Variants in SERPINC1 observed in about 807,000 individuals in gnomAD.
The protein encoded by SERPINC1 is serpin family C member 1.
In SERPINC1, 12 loss-of-function variants were observed where a neutral mutation model predicts 43.4. The ratio of observed to expected loss-of-function variants is 0.28; its 90% CI spans 0.18 to 0.45. SERPINC1 has a LOEUF of 0.45. SERPINC1 is among the 20% of genes least tolerant of loss of function. SERPINC1 has a pLI of 1.00. For synonymous variants in SERPINC1, 210 were observed against 218.9 expected (o/e 0.96, Z 0.36); for missense variants, 423 against 578.8 (o/e 0.73, Z 2.76).
intron 2 of SERPINC1, among the ~76,000 whole-genome samples, chr1:173,913,114 G>C (rs989255272): frequency 3.9e-5 from 6 of 152,198 alleles, no homozygotes; most frequent in African/African-American, 1.4e-4. Flanking sequence ...AAGACCCACA[G>C]ACTTTAGTGT....
chr1:173,908,654 G>A (rs1002682234), intron 5 of SERPINC1, among the ~76,000 whole-genome samples: 74 of 152,118 alleles, frequency 4.9e-4, no homozygotes, highest in African/African-American at 4.1e-4. Flanking sequence ...TTGACCTCCC[G>A]GACTCAGGCA....
intron 4 of SERPINC1, 96 bp downstream of exon 4, chr1:173,910,658 C>G: frequency 8.5e-7 from 1 of 1,176,418 alleles, no homozygotes; most frequent in Non-Finnish European, 1.3e-6. Flanking sequence ...GTCCATTTGC[C>G]CTCTCAGGGC....
intron 6 of SERPINC1, among the ~76,000 whole-genome samples, chr1:173,906,520 G>A (rs560623765): frequency 2.9e-4 from 44 of 152,232 alleles, no homozygotes; most frequent in Admixed American, 2.8e-3. Flanking sequence ...AGACACTGAT[G>A]CACACTCACC....
chr1:173,905,724 G>GA (rs58759841), intron 6 of SERPINC1, among the ~76,000 whole-genome samples: 36,530 of 147,782 alleles, frequency 0.25, 7,667 homozygotes, highest in African/African-American at 0.57. Context: ...CCATTTCAAT[G>GA]AAAAAAAAAA....
intron 2 of SERPINC1, among the ~76,000 whole-genome samples, chr1:173,912,736 T>C (rs890661388): frequency 1.3e-5 from 2 of 152,192 alleles, no homozygotes; most frequent in African/African-American, 2.4e-5. Context: ...GCTGAATCTC[T>C]CTTTTCTCCA....
In SERPINC1 at chr1:173,906,369, A is replaced by G. The variant is rs572709385; in HGVS notation, c.1218+1081T>C. On this transcript the variant is annotated intron_variant, in intron 6 of 6. Coordinates refer to ENST00000367698, the MANE Select transcript of SERPINC1 (RefSeq NM_000488.4). ...GGGGGAACACGTTAAGTGATATTCA[A>G]CCGTCTTCTTTACTGTGGGACTTGT... 1.3e-4 allele frequency among the ~76,000 whole-genome samples: 20 copies of G among 152,336 alleles called. No individual in the cohort carries two copies. In the East Asian group the frequency reaches 3.3e-3, roughly 25 times the overall value.
intron 1 of SERPINC1, among the ~76,000 whole-genome samples, chr1:173,916,941 G>T (rs993420656): frequency 6.6e-6 from 1 of 152,164 alleles, no homozygotes; most frequent in Non-Finnish European, 1.5e-5. Flanking sequence ...CCTGGATCCC[G>T]TGAGTGCTGA....
rs753254708 is a variant in SERPINC1, at chr1:173,909,646, G to T, written c.1059C>A (p.Pro353=). The T allele has an allele frequency of 6.2e-7, 1 of 1,613,820 alleles. No homozygotes were observed. Among genetic ancestry groups the T allele is most frequent in the South Asian group, 1.1e-5 (1 of 91,084 alleles). Residue 353 remains proline, a synonymous_variant, in exon 5 of 7, where the codon CCC becomes CCA. Coordinates refer to ENST00000367698, the MANE Select transcript of SERPINC1 (RefSeq NM_000488.4). ...LEEMMLVVHM[P]RFRIEDGFSL... The stretch of plus-strand genomic sequence containing the variant: ...TGAAGCCGTCCTCAATGCGGAAGCG[G>T]GGCATGTGGACCACCAGCATCATCT...
intron 1 of SERPINC1, among the ~76,000 whole-genome samples, chr1:173,916,369 G>A (rs1390109259): frequency 1.3e-5 from 2 of 152,190 alleles, no homozygotes; most frequent in Non-Finnish European, 2.9e-5. Flanking sequence ...GGCAAGCCTG[G>A]GGCTGGCTGG....
intron 5 of SERPINC1, 126 bp from the exon 6 acceptor site, chr1:173,907,640 C>G (rs1228206016): frequency 2.6e-6 from 2 of 778,826 alleles, no homozygotes; most frequent in Non-Finnish European, 4.7e-6. Context: ...AATCCTAAAT[C>G]TTCACCTAAT....
chr1:173,908,490 CAAAAA>C (rs753240633), intron 5 of SERPINC1, among the ~76,000 whole-genome samples: 1 of 54,046 alleles, frequency 1.9e-5, no homozygotes, highest in Non-Finnish European at 3.6e-5. Context: ...GACTTCGTCT[CAAAAA>C]AAAAAAAAAA....
intron 1 of SERPINC1, 80 bp downstream of exon 1, chr1:173,917,139 G>A (rs1038216197): frequency 8.2e-7 from 1 of 1,212,168 alleles, no homozygotes; most frequent in African/African-American, 1.5e-5. Context: ...TCTCAAAGGT[G>A]TTGGAGGTCA....
intron 6 of SERPINC1, among the ~76,000 whole-genome samples, chr1:173,907,069 C>T (rs1252620291): frequency 6.6e-6 from 1 of 151,724 alleles, no homozygotes; most frequent in Admixed American, 6.6e-5. Flanking sequence ...AGTGAGCTGT[C>T]GCACCATTGC....
chr1:173,907,117 CAAA>C (rs112071190), intron 6 of SERPINC1, among the ~76,000 whole-genome samples: 2 of 138,408 alleles, frequency 1.4e-5, no homozygotes, highest in East Asian at 2.1e-4. Flanking sequence ...AGCTCTGTCT[CAAA>C]AAAAAAAAAA....
chr1:173,913,551 G>T (rs770128048), intron 2 of SERPINC1, among the ~76,000 whole-genome samples: 1 of 152,146 alleles, frequency 6.6e-6, no homozygotes, highest in African/African-American at 2.4e-5. Context: ...AAGTCAGGCC[G>T]ATCCCTTGAA....
rs565387787 is a variant in SERPINC1 at position 173,915,309 on chromosome 1, G to C, written c.42-390C>G. On this transcript the variant is annotated intron_variant, in intron 1 of 6. Transcript: ENST00000367698. ...GGGGAGCCATCTACAGAAACTGTTT[G>C]GGGAAGGACTCTGATAGATGCAGCA... The C allele has an allele frequency of 4.5e-3, 1,746 of 390,324 alleles. 8 individuals are homozygous for C. Among genetic ancestry groups the C allele is most frequent in the Non-Finnish European group, 6.3e-3 (1,500 of 239,092 alleles). 24.2% of individuals were successfully genotyped at this position (390,324 alleles called of 1,614,324 possible). A position where few individuals can be genotyped will look rare whatever the true frequency, so the allele number is the denominator to read the frequency against.
chr1:173,910,432 T>C (rs1238921141), intron 4 of SERPINC1, among the ~76,000 whole-genome samples: 4 of 151,680 alleles, frequency 2.6e-5, no homozygotes, highest in South Asian at 2.1e-4. Context: ...AACCAAAAAA[T>C]TAGCCAGGCA....
intron 4 of SERPINC1, 94 bp from the exon 5 acceptor site, chr1:173,910,036 T>A: frequency 7.9e-7 from 1 of 1,268,238 alleles, no homozygotes. Flanking sequence ...CATTAATATA[T>A]AATTATTCGG....
chr1:173,909,859 A>G lies in SERPINC1; in HGVS notation c.846T>C (p.Ser282=). ...YKADGESCSA[S]MMYQEGKFRY... ...GGAACTTGCCTTCCTGGTACATCAT[A>G]GATGCTGAACACGACTCTCCATCAG... The change falls in exon 5 of 7, where the codon TCT becomes TCC. Residue 282 remains serine (S), a synonymous_variant. Transcript: ENST00000367698. 1 of 1,613,912 alleles carries G rather than the reference A, an allele frequency of 6.2e-7. No homozygotes were observed. The highest frequency in any genetic ancestry group is 8.5e-7 in the Non-Finnish European group (1 of 1,179,802).
Sources: allele counts gnomAD v4.1 joint callset (sites outside exome capture counted in the v4.1 genomes callset), GRCh38; gene constraint gnomAD v4.1.1; transcripts MANE v1.5; gene names NCBI Gene and HGNC (gene_info 2026-07-23, HGNC 2026-07-21).